Variants in GALNTL6 observed in about 807,000 individuals in gnomAD.
GALNTL6 encodes polypeptide N-acetylgalactosaminyltransferase like 6, also known as polypeptide N-acetylgalactosaminyltransferase-like 6.
GALNTL6 carries 46 observed loss-of-function variants against 73.7 expected under a neutral mutation model. The ratio of observed to expected loss-of-function variants is 0.62; its 90% CI spans 0.49 to 0.80. The LOEUF (loss-of-function observed/expected upper bound fraction) is 0.80, where lower values mean the gene tolerates loss of function less well. Among genes scored for constraint, GALNTL6 ranks in the 30% least tolerant of loss-of-function variants. GALNTL6 has a pLI of 0.00. For missense variants in GALNTL6, 604 were observed against 755.0 expected (o/e 0.80, Z 2.34); for synonymous variants, 259 against 263.7 (o/e 0.98, Z 0.17).
intron 8 of GALNTL6, among the ~76,000 whole-genome samples, chr4:172,907,405 A>G (rs756555242): frequency 3.3e-5 from 5 of 152,208 alleles, no homozygotes; most frequent in Non-Finnish European, 4.4e-5. Flanking sequence ...TTTAAAGACT[A>G]TACATCAAAT....
At chr4:172,810,992 AG>A (rs1560968511) in intron 6 of GALNTL6, among the ~76,000 whole-genome samples, 78 of 151,704 alleles carry the variant, frequency 5.1e-4, no homozygotes, top group African/African-American at 1.7e-3. Context: ...AGAAAAAAAA[AG>A]AGTAAGAGAA....
chr4:171,865,392 C>T (rs1735943784), intron 2 of GALNTL6, among the ~76,000 whole-genome samples: 2 of 151,884 alleles, frequency 1.3e-5, no homozygotes, highest in South Asian at 2.1e-4. Context: ...AGAAGGTCTT[C>T]GATTGTAGAG....
Position 171,855,636 on chromosome 4 carries a change from C to A in GALNTL6, c.138+40918C>A, listed in dbSNP as rs77340121. Among the ~76,000 whole-genome samples, 344 of 152,234 alleles carry A rather than the reference C, an allele frequency of 2.3e-3. 2 individuals are homozygous for A. The highest frequency in any genetic ancestry group is 0.01 in the Admixed American group (154 of 15,300). On this transcript the variant is annotated intron_variant, in intron 2 of 12. Transcript: ENST00000506823. ...TTTAACTTGAGTAAATATCAAGGAACATAATTATGATTTTATGGTAAGAGA... is the reference window on the plus strand; with the variant it reads ...TTTAACTTGAGTAAATATCAAGGAAAATAATTATGATTTTATGGTAAGAGA...
At chr4:172,047,856 T>A (rs1441545664) in intron 2 of GALNTL6, among the ~76,000 whole-genome samples, 6 of 152,122 alleles carry the variant, frequency 3.9e-5, no homozygotes, top group Non-Finnish European at 7.4e-5. Context: ...TGTTTATTTT[T>A]AAAAATTAAT....
chr4:172,821,069 T>G (rs1741896814), intron 7 of GALNTL6, among the ~76,000 whole-genome samples: 1 of 152,206 alleles, frequency 6.6e-6, no homozygotes, highest in African/African-American at 2.4e-5. Context: ...ATGAAACCTA[T>G]GTAGTATGTA....
At chr4:172,360,037 A>AATGGC (rs1447076561) in intron 5 of GALNTL6, among the ~76,000 whole-genome samples, 9 of 152,212 alleles carry the variant, frequency 5.9e-5, no homozygotes, top group Admixed American at 5.2e-4. Flanking sequence ...AAGAGGGCCT[A>AATGGC]ATGGCATGAC....
chr4:171,950,724 C>T (rs452058), intron 2 of GALNTL6, among the ~76,000 whole-genome samples: 71,353 of 151,756 alleles, frequency 0.47, 17,182 homozygotes, highest in Middle Eastern at 0.62. Flanking sequence ...GTGATCCGCC[C>T]GCCTCGGCCT....
intron 7 of GALNTL6, among the ~76,000 whole-genome samples, chr4:172,868,955 C>T (rs1023379136): frequency 2.0e-5 from 3 of 152,174 alleles, no homozygotes; most frequent in African/African-American, 7.2e-5. Flanking sequence ...TACCTCTCAG[C>T]ACACCATAAT....
At chr4:171,871,353 A>G (rs1160184992) in intron 2 of GALNTL6, among the ~76,000 whole-genome samples, 1 of 152,216 alleles carries the variant, frequency 6.6e-6, no homozygotes, top group Non-Finnish European at 1.5e-5. Context: ...TGTGAATGTG[A>G]TCTCAGATAT....
intron 4 of GALNTL6, among the ~76,000 whole-genome samples, chr4:172,312,858 A>G (rs935647819): frequency 6.6e-6 from 1 of 152,130 alleles, no homozygotes; most frequent in Non-Finnish European, 1.5e-5. Flanking sequence ...GCATTTCCCA[A>G]TATAGCTAAA....
chr4:173,010,451 G>A (rs1236924380), intron 11 of GALNTL6, among the ~76,000 whole-genome samples: 1 of 152,108 alleles, frequency 6.6e-6, no homozygotes, highest in East Asian at 1.9e-4. Context: ...TTTGGCCATT[G>A]TGAACAGTGC....
At chr4:171,973,150 G>A (rs565164257) in intron 2 of GALNTL6, among the ~76,000 whole-genome samples, 1 of 152,140 alleles carries the variant, frequency 6.6e-6, no homozygotes, top group African/African-American at 2.4e-5. Flanking sequence ...GAAGTTGTAT[G>A]TGGGAGAAGT....
At chr4:171,840,693 T>G (rs920101344) in intron 2 of GALNTL6, among the ~76,000 whole-genome samples, 1 of 152,228 alleles carries the variant, frequency 6.6e-6, no homozygotes, top group African/African-American at 2.4e-5. Context: ...TCTCTCATAG[T>G]GCACAAATGC....
intron 5 of GALNTL6, among the ~76,000 whole-genome samples, chr4:172,653,622 T>C (rs1460168158): frequency 3.9e-5 from 6 of 152,224 alleles, no homozygotes; most frequent in African/African-American, 1.4e-4. Flanking sequence ...AAAAAATACC[T>C]TGCTATCTTC....
At chr4:172,569,418 G>A (rs1393031033) in intron 5 of GALNTL6, among the ~76,000 whole-genome samples, 1 of 152,130 alleles carries the variant, frequency 6.6e-6, no homozygotes, top group Non-Finnish European at 1.5e-5. Context: ...ATTTTGGGGG[G>A]ACACAAACAT....
At chr4:172,218,911 A>G (rs537396586) in intron 2 of GALNTL6, among the ~76,000 whole-genome samples, 11 of 151,836 alleles carry the variant, frequency 7.2e-5, no homozygotes, top group African/African-American at 2.7e-4. Flanking sequence ...TTTGTTAAGT[A>G]ATAATAAATA....
At chr4:172,640,865 A>G (rs533342952) in intron 5 of GALNTL6, among the ~76,000 whole-genome samples, 3 of 152,042 alleles carry the variant, frequency 2.0e-5, no homozygotes, top group African/African-American at 4.8e-5. Context: ...TATACTGCCA[A>G]CTCAGACCTT....
intron 3 of GALNTL6, among the ~76,000 whole-genome samples, chr4:172,249,631 G>A (rs909487045): frequency 6.6e-6 from 1 of 152,176 alleles, no homozygotes; most frequent in African/African-American, 2.4e-5. Flanking sequence ...TGCAGTCTCA[G>A]GATATGGTGC....
intron 5 of GALNTL6, among the ~76,000 whole-genome samples, chr4:172,406,110 G>A (rs1165761458): frequency 6.6e-6 from 1 of 151,846 alleles, no homozygotes; most frequent in Non-Finnish European, 1.5e-5. Context: ...TTCAATGTAG[G>A]CTAATAGGTA....
Sources: allele counts gnomAD v4.1 joint callset (sites outside exome capture counted in the v4.1 genomes callset), GRCh38; gene constraint gnomAD v4.1.1; transcripts MANE v1.5; gene names NCBI Gene and HGNC (gene_info 2026-07-23, HGNC 2026-07-21).